CCDC141: variants seen among roughly 807,000 people sequenced by gnomAD.
CCDC141 encodes the protein coiled-coil domain-containing protein 141.
Under a neutral mutation model 181.0 loss-of-function variants are expected in CCDC141, and 168 were observed. That is an observed-to-expected ratio of 0.93 (90% CI 0.82 to 1.05). CCDC141 has a LOEUF of 1.05. CCDC141 is among the 50% of genes least tolerant of loss of function. The pLI, the probability that CCDC141 is intolerant of heterozygous loss-of-function variation, is 0.00. For synonymous variants in CCDC141, 666 were observed against 642.3 expected (o/e 1.04, Z -0.56); for missense variants, 1,902 against 1,788.5 (o/e 1.06, Z -1.14).
intron 4 of CCDC141, among the ~76,000 whole-genome samples, chr2:178,967,291 C>T (rs1690683303): frequency 6.6e-6 from 1 of 152,074 alleles, no homozygotes; most frequent in African/African-American, 2.4e-5. Flanking sequence ...AACCCCAAGA[C>T]ACATAATGGT....
chr2:178,852,105 A>T (rs1685189910), intron 20 of CCDC141, among the ~76,000 whole-genome samples: 1 of 152,246 alleles, frequency 6.6e-6, no homozygotes, highest in Non-Finnish European at 1.5e-5. Flanking sequence ...ATCGCTCCTC[A>T]AATACAGCTT....
rs1475207060 is a variant in CCDC141, at chr2:178,920,609, G to A, written c.898-1702C>T. ...ATAGTGGCGCATGCTTGTAGTTCCA[G>A]CTACTCGGTGGGGCTGAGGTAGGAG... is the stretch of plus-strand genomic sequence containing the variant. On this transcript the variant is annotated intron_variant, in intron 6 of 23. Coordinates refer to ENST00000443758, the MANE Select transcript of CCDC141 (RefSeq NM_173648.4). Among the ~76,000 whole-genome samples, 5 of 152,008 alleles carry A rather than the reference G, an allele frequency of 3.3e-5. No homozygotes were observed. The East Asian group carries it at 5.8e-4, about 18-fold the overall frequency.
the CCDC141 span, among the ~76,000 whole-genome samples, chr2:178,818,238 A>T: frequency 6.6e-6 from 1 of 152,208 alleles, no homozygotes. Flanking sequence ...AACCAAAAGC[A>T]AAAGTAAAAA....
intron 8 of CCDC141, among the ~76,000 whole-genome samples, chr2:178,892,702 G>A (rs80144043): frequency 0.058 from 8,900 of 152,218 alleles, 431 homozygotes; most frequent in Admixed American, 0.15. Context: ...AGAAAGGTAT[G>A]ACCCCACTCT....
At chr2:178,880,567 G>A (rs570219776) in intron 11 of CCDC141, among the ~76,000 whole-genome samples, 2 of 152,212 alleles carry the variant, frequency 1.3e-5, no homozygotes, top group East Asian at 3.9e-4. Context: ...AACAGATATG[G>A]GAGAGCATGG....
At chr2:178,984,578 G>A (rs373251994) in intron 2 of CCDC141, among the ~76,000 whole-genome samples, 33,835 of 148,264 alleles carry the variant, frequency 0.23, 5,100 homozygotes, top group Non-Finnish European at 0.34. Context: ...CCCATCTCAC[G>A]TGCAGAGACA....
chr2:178,821,858 A>C, the CCDC141 span, among the ~76,000 whole-genome samples: 1 of 152,200 alleles, frequency 6.6e-6, no homozygotes, highest in Non-Finnish European at 1.5e-5. Context: ...GTGATTCCTC[A>C]AGGATCTAGA....
At chr2:178,954,277 T>C (rs1206458522) in intron 5 of CCDC141, among the ~76,000 whole-genome samples, 1 of 152,256 alleles carries the variant, frequency 6.6e-6, no homozygotes, top group Non-Finnish European at 1.5e-5. Flanking sequence ...AAGCTGCTTC[T>C]GATTTTCATT....
In CCDC141 at chr2:178,865,792, C is replaced by T. The variant is rs1575145886; in HGVS notation, c.2699G>A (p.Cys900Tyr). The T allele has an allele frequency of 6.3e-7, 1 of 1,581,368 alleles. No homozygotes were observed. Among genetic ancestry groups the T allele is most frequent in the Non-Finnish European group, 8.6e-7 (1 of 1,165,472 alleles). Residue 900 changes from cysteine to tyrosine, a missense_variant, in exon 17 of 24, where the codon TGC becomes TAC. Transcript: ENST00000443758. ...CTCATTTATCTCGTCTCTCATGGCGCAGTACTCCACACTACGGGACAGGGT... is the reference window on the plus strand; with the variant it reads ...CTCATTTATCTCGTCTCTCATGGCGTAGTACTCCACACTACGGGACAGGGT... ...GRTLSRSVEYCAMRDEINELK... is the reference protein window; with the variant it reads ...GRTLSRSVEYYAMRDEINELK...
At chr2:178,889,811 A>G (rs575064573) in intron 8 of CCDC141, among the ~76,000 whole-genome samples, 23 of 152,198 alleles carry the variant, frequency 1.5e-4, no homozygotes, top group Non-Finnish European at 3.1e-4. Context: ...TGTTTCACAG[A>G]TGTTACATTT....
chr2:178,972,689 TTAAC>T (rs1385758634), intron 4 of CCDC141, among the ~76,000 whole-genome samples: 1 of 152,280 alleles, frequency 6.6e-6, no homozygotes, highest in East Asian at 1.9e-4. Context: ...GGAAAAGACT[TTAAC>T]TAACTAGGTA....
intron 2 of CCDC141, among the ~76,000 whole-genome samples, chr2:178,988,833 G>A (rs543369240): frequency 5.3e-5 from 8 of 152,108 alleles, no homozygotes; most frequent in Non-Finnish European, 1.0e-4. Flanking sequence ...AGAATTGAGA[G>A]TTCAGAAATG....
chr2:178,957,370 C>T (rs1057158974), intron 5 of CCDC141, among the ~76,000 whole-genome samples: 50 of 152,298 alleles, frequency 3.3e-4, no homozygotes, highest in Admixed American at 2.7e-3. Context: ...CAACGAGACA[C>T]CACAACACAC....
At chr2:178,957,348 C>A (rs1188930120) in intron 5 of CCDC141, among the ~76,000 whole-genome samples, 4 of 152,064 alleles carry the variant, frequency 2.6e-5, no homozygotes, top group Non-Finnish European at 5.9e-5. Flanking sequence ...AAGGTAAGGC[C>A]CATTGAAACA....
At chr2:178,849,776 A>C (rs1006639904) in intron 21 of CCDC141, among the ~76,000 whole-genome samples, 6 of 152,190 alleles carry the variant, frequency 3.9e-5, no homozygotes, top group Admixed American at 6.5e-5. Context: ...AATGGGACAC[A>C]TTTTTTAGGA....
In CCDC141 at chr2:178,892,521, T is replaced by G. The variant is rs182249154; in HGVS notation, c.1266-3853A>C. 3.4e-3 allele frequency among the ~76,000 whole-genome samples: 525 copies of G among 152,278 alleles called. 3 individuals are homozygous for G. The highest frequency in any genetic ancestry group is 6.8e-3 in the Middle Eastern group (2 of 294). ...TAGGGCTTTTTCTATTCCTTCTTAG[T>G]GACACCCTAATCTGCGGGTTACATT... On this transcript the variant is annotated intron_variant, in intron 8 of 23. Transcript: ENST00000443758.
chr2:179,015,551 C>CATATATATGATATAT (rs151332465), intron 2 of CCDC141, among the ~76,000 whole-genome samples: 9 of 32,378 alleles, frequency 2.8e-4, no homozygotes, highest in East Asian at 9.9e-4. Flanking sequence ...ATATATATCT[C>CATATATATGATATAT]ATATCTCATA....
At chr2:178,922,761 G>A (rs150586125) in intron 6 of CCDC141, among the ~76,000 whole-genome samples, 2 of 152,356 alleles carry the variant, frequency 1.3e-5, no homozygotes, top group East Asian at 3.9e-4. Context: ...GACCTTTGGA[G>A]TAGAGCCAAG....
chr2:178,857,788 T>C (rs977834866), intron 17 of CCDC141, among the ~76,000 whole-genome samples: 2 of 152,204 alleles, frequency 1.3e-5, no homozygotes, highest in East Asian at 3.8e-4. Flanking sequence ...AAAATTCTTT[T>C]CAATGATAGC....
Sources: gnomAD v4.1 joint callset for allele counts (sites outside exome capture counted in the v4.1 genomes callset) on GRCh38, gnomAD v4.1.1 for gene constraint, MANE v1.5 for transcripts, NCBI Gene and HGNC (gene_info 2026-07-23, HGNC 2026-07-21) for gene names.